MPZL3: variants seen among roughly 807,000 people sequenced by gnomAD.
MPZL3 encodes the protein myelin protein zero-like protein 3.
MPZL3 carries 23 observed loss-of-function variants against 24.8 expected under a neutral mutation model. The observed-to-expected ratio is 0.93, with a 90% CI of 0.67 to 1.31. The LOEUF is 1.31. Among genes scored for constraint, MPZL3 ranks in the 40% most tolerant of loss-of-function variants. The pLI is 0.00. For synonymous variants in MPZL3, 99 were observed against 106.5 expected (o/e 0.93, Z 0.44); for missense variants, 277 against 294.9 (o/e 0.94, Z 0.44).
At chr11:118,247,191 ATGT>A (rs1949564498) in intron 1 of MPZL3, among the ~76,000 whole-genome samples, 1 of 152,176 alleles carries the variant, frequency 6.6e-6, no homozygotes, top group South Asian at 2.1e-4. Flanking sequence ...AGCCTGAATG[ATGT>A]ACTTTATACA....
chr11:118,228,531 T>C lies in MPZL3; in HGVS notation c.*1363A>G, dbSNP rs1324933420. 6.6e-6 allele frequency: 1 copy of C among 152,218 alleles called. No individual in the cohort carries two copies. The highest frequency in any genetic ancestry group is 1.5e-5 in the Non-Finnish European group (1 of 68,038). 9.4% of individuals were successfully genotyped at this position (152,218 alleles called of 1,614,324 possible). On this transcript the variant is annotated 3_prime_UTR_variant, in exon 6 of 6. Coordinates refer to ENST00000278949, the MANE Select transcript of MPZL3 (RefSeq NM_198275.3). ...ATGTAAATTAACATTTGAAACAAGT[T>C]GTCATAGCAGAATGGAGTAACCTGC...
chr11:118,230,587 C>T lies in MPZL3; in HGVS notation c.682-667G>A, dbSNP rs540385797. On this transcript the variant is annotated intron_variant, in intron 5 of 5. Coordinates refer to ENST00000278949, the MANE Select transcript of MPZL3 (RefSeq NM_198275.3). The stretch of plus-strand genomic sequence containing the variant: ...GCCATTAGCACTAACTGGCATACCA[C>T]ACTTCTCTAGTCTATTTATTCTCCT... Among the ~76,000 whole-genome samples the T allele has an allele frequency of 9.8e-5, 15 of 152,312 alleles. No homozygotes were observed. In the South Asian group the frequency reaches 3.1e-3, roughly 32 times the overall value.
At chr11:118,236,046 A>G (rs967034561) in intron 3 of MPZL3, among the ~76,000 whole-genome samples, 8 of 152,232 alleles carry the variant, frequency 5.3e-5, no homozygotes, top group African/African-American at 1.4e-4. Flanking sequence ...AGAATCTACA[A>G]GTCACATTAG....
Position 118,229,263 on chromosome 11 carries a change from C to G in MPZL3, c.*631G>C, listed in dbSNP as rs1016549295. The G allele has an allele frequency of 3.9e-5, 6 of 151,930 alleles. No individual in the cohort carries two copies. Among genetic ancestry groups the G allele is most frequent in the African/African-American group, 1.5e-4 (6 of 41,340 alleles). The allele number at this position is 151,930 out of a possible 1,614,324, so 9.4% of individuals were successfully genotyped here. A position where few individuals can be genotyped will look rare whatever the true frequency, so the allele number is the denominator to read the frequency against. On this transcript the variant is annotated 3_prime_UTR_variant, in exon 6 of 6. Coordinates refer to ENST00000278949, the MANE Select transcript of MPZL3 (RefSeq NM_198275.3). ...TTAACTGTAAATTGATGACACTGTA[C>G]TTAATACTTTAAAAACCCAGTCAAA...
chr11:118,252,245 A>G lies in MPZL3; in HGVS notation c.50T>C (p.Leu17Pro), dbSNP rs1949629933. The G allele has an allele frequency of 5.0e-6, 8 of 1,613,846 alleles. No homozygotes were observed. The highest frequency in any genetic ancestry group is 6.8e-6 in the Non-Finnish European group (8 of 1,179,998). Residue 17 changes from leucine to proline, a missense_variant, in exon 1 of 6, where the codon CTG becomes CCG. Physicochemically the swap from Leu to Pro is moderately conservative, Grantham distance 98 (BLOSUM62 -3). Coordinates refer to ENST00000278949, the MANE Select transcript of MPZL3 (RefSeq NM_198275.3). ...ACCCTGGAAGAACAGGACGCCCAGC[A>G]GAGGGAAGAGAGCGCAGCCACGGCT... The part of the protein sequence containing the change: ...AGSRGCALFP[L>P]LGVLFFQGVY...
intron 1 of MPZL3, among the ~76,000 whole-genome samples, chr11:118,242,649 T>A (rs1949511737): frequency 6.6e-6 from 1 of 152,214 alleles, no homozygotes; most frequent in Non-Finnish European, 1.5e-5. Context: ...CCACCTCTAA[T>A]AATCCTGCCT....
chr11:118,228,653 G>C lies in MPZL3; in HGVS notation c.*1241C>G, dbSNP rs1231637897. ...GTAAAAACCACTTGCAAATACCATA[G>C]TTTACTCACAGTTGGCACATTTTAG... On this transcript the variant is annotated 3_prime_UTR_variant, in exon 6 of 6. Coordinates refer to ENST00000278949, the MANE Select transcript of MPZL3 (RefSeq NM_198275.3). The C allele has an allele frequency of 6.6e-6, 1 of 152,144 alleles. No homozygotes were observed. Among genetic ancestry groups the C allele is most frequent in the Non-Finnish European group, 1.5e-5 (1 of 68,034 alleles). The allele number at this position is 152,144 out of a possible 1,614,324, so 9.4% of individuals were successfully genotyped here.
chr11:118,237,074 T>A lies in MPZL3; in HGVS notation c.427A>T (p.Thr143Ser), dbSNP rs766541182. 16 of 1,614,070 alleles carry A rather than the reference T, an allele frequency of 9.9e-6. No homozygotes were observed. The East Asian group carries it at 3.6e-4, about 36-fold the overall frequency. ...PPDVHHNIPM[T>S]ELTVTERGFG... ...CCCCTTTCTGTGACTGTTAGCTCTGTCATGGGAATATTATGATGCACATCT... is the reference window on the plus strand; with the variant it reads ...CCCCTTTCTGTGACTGTTAGCTCTGACATGGGAATATTATGATGCACATCT... Residue 143 changes from threonine to serine, a missense_variant, in exon 3 of 6, where the codon ACA (threonine) becomes TCA (serine). Coordinates refer to ENST00000278949, the MANE Select transcript of MPZL3 (RefSeq NM_198275.3).
In MPZL3 at chr11:118,237,205, C is replaced by T. The variant is rs768215202; in HGVS notation, c.296G>A (p.Arg99Gln). 44 of 1,614,040 alleles carry T rather than the reference C, an allele frequency of 2.7e-5. No homozygotes were observed. Among genetic ancestry groups the T allele is most frequent in the South Asian group, 4.4e-5 (4 of 91,080 alleles). Residue 99 changes from arginine to glutamine, a missense_variant, in exon 3 of 6, where the codon CGG (arginine) becomes CAG (glutamine). Physicochemically the swap from Arg to Gln is conservative, Grantham distance 43. Coordinates refer to ENST00000278949, the MANE Select transcript of MPZL3 (RefSeq NM_198275.3). ...GTATACATTTCCAACCCAGGAAATC[C>T]GATCCCGAAATGTGCCTGCTGTGGT... The part of the protein sequence containing the change: ...YPTTAGTFRD[R>Q]ISWVGNVYKG...
At position 118,240,250 on chromosome 11, in the gene MPZL3, G is replaced by A. The variant is rs1229461287; in HGVS notation, c.201C>T (p.Asp67=). 1.3e-6 allele frequency: 2 copies of A among 1,597,602 alleles called. No individual in the cohort carries two copies. Among genetic ancestry groups the A allele is most frequent in the East Asian group, 4.6e-5 (2 of 43,532 alleles). The change falls in exon 2 of 6, where the codon GAC becomes GAT. Residue 67 remains aspartate, a synonymous_variant. Coordinates refer to ENST00000278949, the MANE Select transcript of MPZL3 (RefSeq NM_198275.3). ...TSDVTDKLTI[D]WTYRPPSSSH... ...TGCTGCTGGGAGGGCGATATGTCCAGTCTATAGTAAGTTTGTCAGTGACAT... is the reference window on the plus strand; with the variant it reads ...TGCTGCTGGGAGGGCGATATGTCCAATCTATAGTAAGTTTGTCAGTGACAT...
chr11:118,249,442 A>T (rs1949595062), intron 1 of MPZL3, among the ~76,000 whole-genome samples: 3 of 152,238 alleles, frequency 2.0e-5, no homozygotes, highest in Non-Finnish European at 4.4e-5. Flanking sequence ...TAATTCACTC[A>T]GAAATGTCCA....
chr11:118,251,097 GT>G (rs1174797124), intron 1 of MPZL3, among the ~76,000 whole-genome samples: 4 of 150,546 alleles, frequency 2.7e-5, no homozygotes, highest in African/African-American at 9.9e-5. Context: ...GTGTGTGTGT[GT>G]GTGTGTGTGT....
rs761647468 is a variant in MPZL3 at position 118,235,440 on chromosome 11, T to G, written c.601A>C (p.Ile201Leu). The G allele has an allele frequency of 6.2e-7, 1 of 1,613,716 alleles. No homozygotes were observed. The highest frequency in any genetic ancestry group is 8.5e-7 in the Non-Finnish European group (1 of 1,179,824). ...TGGACTTACTCATCGGAAACCTCAATAGATGACTTCTTATAGCCAGACCTG... is the reference window on the plus strand; with the variant it reads ...TGGACTTACTCATCGGAAACCTCAAGAGATGACTTCTTATAGCCAGACCTG... Reference protein sequence around the residue: ...RSRSGYKKSSIEVSDDTDQEE... With the variant: ...RSRSGYKKSSLEVSDDTDQEE... The change falls in exon 4 of 6, where the codon ATT becomes CTT. Residue 201 changes from isoleucine (I) to leucine (L), a missense_variant. By Grantham distance (5) the Ile-to-Leu change is conservative. Transcript: ENST00000278949.
At chr11:118,251,474 AT>A (rs1412581687) in intron 1 of MPZL3, among the ~76,000 whole-genome samples, 1 of 152,116 alleles carries the variant, frequency 6.6e-6, no homozygotes, top group Non-Finnish European at 1.5e-5. Context: ...CATACACAAA[AT>A]CCAGGAAATA....
At chr11:118,242,528 C>T (rs917815362) in intron 1 of MPZL3, among the ~76,000 whole-genome samples, 2 of 152,174 alleles carry the variant, frequency 1.3e-5, no homozygotes, top group Non-Finnish European at 2.9e-5. Flanking sequence ...TCCCATCTAC[C>T]TTCCCAATCC....
intron 1 of MPZL3, among the ~76,000 whole-genome samples, chr11:118,240,732 G>GACACACACACACACACAC (rs56100329): frequency 8.2e-6 from 1 of 121,528 alleles, no homozygotes; most frequent in Non-Finnish European, 1.7e-5. Flanking sequence ...ATCCCCCGCA[G>GACACACACACACACACAC]ACACACACAC....
chr11:118,229,955 T>A, intron 5 of MPZL3, 35 bp from the exon 6 acceptor site: 1 of 1,604,988 alleles, frequency 6.2e-7, no homozygotes, highest in South Asian at 1.1e-5. Flanking sequence ...TGAAACACAA[T>A]TCCAGAGTTG....
chr11:118,231,532 A>G (rs1308442530), intron 5 of MPZL3, among the ~76,000 whole-genome samples: 1 of 151,840 alleles, frequency 6.6e-6, no homozygotes, highest in Non-Finnish European at 1.5e-5. Flanking sequence ...TCTCTTCTCA[A>G]CTCCACACCC....
rs1390587662 is a variant in MPZL3, at chr11:118,228,537, A to G, written c.*1357T>C. On this transcript the variant is annotated 3_prime_UTR_variant, in exon 6 of 6. Coordinates refer to ENST00000278949, the MANE Select transcript of MPZL3 (RefSeq NM_198275.3). ...ATTAACATTTGAAACAAGTTGTCAT[A>G]GCAGAATGGAGTAACCTGCTGTAAG... 2 of 152,226 alleles carry G rather than the reference A, an allele frequency of 1.3e-5. No homozygotes were observed. Among genetic ancestry groups the G allele is most frequent in the Non-Finnish European group, 2.9e-5 (2 of 68,034 alleles). 9.4% of individuals were successfully genotyped at this position (152,226 alleles called of 1,614,324 possible).
Sources: gnomAD v4.1 joint callset for allele counts (sites outside exome capture counted in the v4.1 genomes callset) on GRCh38, gnomAD v4.1.1 for gene constraint, MANE v1.5 for transcripts, NCBI Gene and HGNC (gene_info 2026-07-23, HGNC 2026-07-21) for gene names.